BACH2: variants seen among roughly 807,000 people sequenced by gnomAD.
The protein encoded by BACH2 is BACH transcriptional regulator 2, also known as transcription regulator protein BACH2.
Under a neutral mutation model 61.8 loss-of-function variants are expected in BACH2, and 5 were observed. The ratio of observed to expected loss-of-function variants is 0.08; its 90% CI spans 0.04 to 0.17. BACH2 has a LOEUF of 0.17. Ranked by LOEUF, BACH2 falls within the 10% of genes least tolerant of loss-of-function variation. The probability of loss-of-function intolerance (pLI) is 1.00; values close to 1 mark genes in which losing one functional copy is unlikely to be tolerated. For synonymous variants in BACH2, 446 were observed against 440.1 expected (o/e 1.01, Z -0.17); for missense variants, 824 against 1,091.1 (o/e 0.76, Z 3.45).
At chr6:89,953,458 A>G (rs980482924) in intron 6 of BACH2, among the ~76,000 whole-genome samples, 4 of 152,226 alleles carry the variant, frequency 2.6e-5, no homozygotes, top group Admixed American at 2.0e-4. Flanking sequence ...TGATGAGTCC[A>G]GAGATATTTG....
chr6:90,032,672 G>C (rs1325072177), intron 5 of BACH2, among the ~76,000 whole-genome samples: 4 of 151,994 alleles, frequency 2.6e-5, no homozygotes, highest in Non-Finnish European at 5.9e-5. Flanking sequence ...ATCTCACATT[G>C]GTTAGAATGG....
At chr6:89,968,472 A>G (rs1424390257) in intron 6 of BACH2, among the ~76,000 whole-genome samples, 3 of 152,228 alleles carry the variant, frequency 2.0e-5, no homozygotes, top group African/African-American at 7.2e-5. Flanking sequence ...AGGCAATAAC[A>G]TTACATGTTT....
intron 5 of BACH2, among the ~76,000 whole-genome samples, chr6:90,036,265 AT>A (rs1779258520): frequency 6.7e-6 from 1 of 150,300 alleles, no homozygotes; most frequent in Non-Finnish European, 1.5e-5. Flanking sequence ...ACTTCCTTTT[AT>A]TCCCAGCAGG....
chr6:90,170,130 C>T (rs922812581), intron 4 of BACH2, among the ~76,000 whole-genome samples: 9 of 151,884 alleles, frequency 5.9e-5, no homozygotes, highest in African/African-American at 1.9e-4. Context: ...TGCAACTTAA[C>T]CTTTACAAGT....
intron 6 of BACH2, among the ~76,000 whole-genome samples, chr6:89,974,845 T>C (rs941996633): frequency 4.6e-5 from 7 of 152,198 alleles, no homozygotes; most frequent in African/African-American, 1.7e-4. Context: ...TCAAAGATCA[T>C]TTTCAAAAAG....
chr6:89,987,967 T>C (rs1184521614), intron 6 of BACH2, among the ~76,000 whole-genome samples: 1 of 152,142 alleles, frequency 6.6e-6, no homozygotes, highest in Non-Finnish European at 1.5e-5. Flanking sequence ...CAAAGAGAGC[T>C]CTCTTGAACT....
chr6:89,970,867 G>A (rs1030690226), intron 6 of BACH2, among the ~76,000 whole-genome samples: 3 of 152,178 alleles, frequency 2.0e-5, no homozygotes, highest in African/African-American at 7.2e-5. Context: ...TATCTGGGTC[G>A]CAGGGAAAGT....
chr6:90,257,107 T>G (rs1771003602), intron 2 of BACH2, among the ~76,000 whole-genome samples: 1 of 152,248 alleles, frequency 6.6e-6, no homozygotes, highest in African/African-American at 2.4e-5. Context: ...TTACAGCCAC[T>G]TCTTTCTCTA....
chr6:90,023,363 T>C lies in BACH2; in HGVS notation c.-12-14507A>G, dbSNP rs530613907. On this transcript the variant is annotated intron_variant, in intron 5 of 8. Coordinates refer to ENST00000257749, the MANE Select transcript of BACH2 (RefSeq NM_021813.4). ...CTCAATAGTGAGTTATCATAAGACG[T>C]AGTTGTTTAAAAAGTGTGTGGCACT... is the stretch of plus-strand genomic sequence containing the variant. Among the ~76,000 whole-genome samples, 6 of 152,032 alleles carry C rather than the reference T, an allele frequency of 3.9e-5. No homozygotes were observed. The South Asian group carries it at 1.0e-3, about 26-fold the overall frequency.
intron 3 of BACH2, among the ~76,000 whole-genome samples, chr6:90,243,816 G>A (rs1770538863): frequency 6.6e-6 from 1 of 152,188 alleles, no homozygotes; most frequent in Non-Finnish European, 1.5e-5. Flanking sequence ...CACCATCCCT[G>A]TGGGAAGAAA....
At chr6:90,162,680 C>T (rs1227372282) in intron 4 of BACH2, among the ~76,000 whole-genome samples, 1 of 152,082 alleles carries the variant, frequency 6.6e-6, no homozygotes, top group African/African-American at 2.4e-5. Context: ...AAAATTCAGA[C>T]ACCAGAGATT....
intron 5 of BACH2, among the ~76,000 whole-genome samples, chr6:90,022,571 A>T (rs1056872639): frequency 1.3e-5 from 2 of 152,216 alleles, no homozygotes; most frequent in African/African-American, 4.8e-5. Context: ...GCGACAGAGC[A>T]AGACTCCGTT....
rs149966653 is a variant in BACH2 at position 89,992,700 on chromosome 6, T to G, written c.243+15902A>C. Among the ~76,000 whole-genome samples, 173 of 152,248 alleles carry G rather than the reference T, an allele frequency of 1.1e-3. 1 individual carries two copies. Among genetic ancestry groups the G allele is most frequent in the Middle Eastern group, 3.4e-3 (1 of 294 alleles). ...AAAAAAACAAAGAAATTACTCCACA[T>G]CGGTTCACAGAGAACTTTTTTCTTT... On this transcript the variant is annotated intron_variant, in intron 6 of 8. Transcript: ENST00000257749.
At chr6:90,028,121 A>C (rs1401816306) in intron 5 of BACH2, among the ~76,000 whole-genome samples, 3 of 152,204 alleles carry the variant, frequency 2.0e-5, no homozygotes, top group Admixed American at 2.0e-4. Flanking sequence ...TCCTTCTGCA[A>C]CATCCCTTGA....
rs1419495674 is a variant in BACH2, at chr6:89,951,910, T to C, written c.244-48A>G. 3 of 1,574,478 alleles carry C rather than the reference T, an allele frequency of 1.9e-6. No individual in the cohort carries two copies. The highest frequency in any genetic ancestry group is 1.7e-5 in the Admixed American group (1 of 57,876). On this transcript the variant is annotated intron_variant, in intron 6 of 8. Transcript: ENST00000257749. The surrounding 1 kb of genome is among the most constrained non-coding windows in gnomAD (Gnocchi z 6.4). ...GCCAACATTACCATCAGCACTGCTATTGTCCCGAATCCCTCAACTGAAGCA... is the reference window on the plus strand; with the variant it reads ...GCCAACATTACCATCAGCACTGCTACTGTCCCGAATCCCTCAACTGAAGCA...
chr6:89,983,561 C>T (rs1275012802), intron 6 of BACH2, among the ~76,000 whole-genome samples: 4 of 151,948 alleles, frequency 2.6e-5, no homozygotes, highest in African/African-American at 9.7e-5. Flanking sequence ...CCCAGCTACT[C>T]GGGAGGCTGA....
intron 5 of BACH2, among the ~76,000 whole-genome samples, chr6:90,085,590 G>C (rs1174432912): frequency 6.6e-6 from 1 of 152,202 alleles, no homozygotes; most frequent in Non-Finnish European, 1.5e-5. Flanking sequence ...TCTGACAACT[G>C]TGTCTTTACT....
chr6:90,044,939 C>A (rs909133845), intron 5 of BACH2, among the ~76,000 whole-genome samples: 1 of 152,140 alleles, frequency 6.6e-6, no homozygotes, highest in Non-Finnish European at 1.5e-5. Flanking sequence ...AGCAACTGAA[C>A]ACAGCCTGAT....
chr6:90,198,722 A>G (rs1768852176), intron 4 of BACH2, among the ~76,000 whole-genome samples: 1 of 152,194 alleles, frequency 6.6e-6, no homozygotes, highest in African/African-American at 2.4e-5. Context: ...ACAATCATTC[A>G]TCAGATGCTC....
Sources: gnomAD v4.1 joint callset for allele counts (sites outside exome capture counted in the v4.1 genomes callset) on GRCh38, gnomAD v4.1.1 for gene constraint, Gnocchi (gnomAD v3.1) non-coding constraint, MANE v1.5 for transcripts, NCBI Gene and HGNC (gene_info 2026-07-23, HGNC 2026-07-21) for gene names.